Variants in NEK1 observed in about 807,000 individuals in gnomAD.
NEK1 encodes the protein serine/threonine-protein kinase Nek1.
In NEK1, 137 loss-of-function variants were observed where a neutral mutation model predicts 182.1. The observed-to-expected ratio is 0.75, with a 90% confidence interval of 0.65 to 0.87. The LOEUF (loss-of-function observed/expected upper bound fraction) is 0.87, where lower values mean the gene tolerates loss of function less well. NEK1 is among the 40% of genes least tolerant of loss of function. NEK1 has a pLI of 0.00. For missense variants in NEK1, 1,391 were observed against 1,494.4 expected (o/e 0.93, Z 1.14); for synonymous variants, 513 against 492.2 (o/e 1.04, Z -0.56).
At position 169,458,857 on chromosome 4, in the gene NEK1, A is replaced by G. The variant is rs142907600; in HGVS notation, c.2587+4386T>C. Among the ~76,000 whole-genome samples, 936 of 151,884 alleles carry G rather than the reference A, an allele frequency of 6.2e-3. 9 individuals are homozygous for G. The highest frequency in any genetic ancestry group is 0.022 in the African/African-American group (899 of 41,370). ...AAAAAAAAAAAAAGACAATGTCAAG[A>G]GAACATGAAGAAAAGCCACAGACTA... is the stretch of plus-strand genomic sequence containing the variant. On this transcript the variant is annotated intron_variant, in intron 27 of 35. Transcript: ENST00000507142.
Position 169,463,361 on chromosome 4 carries a change from A to AAT in NEK1, c.2468_2469insAT (p.Asn824LeufsTer18). On this transcript the variant is annotated frameshift_variant, in exon 27 of 36. Transcript: ENST00000507142. LOFTEE classifies it high-confidence loss of function. ...CCCAGGCTCTTCTTGGAGATCCATT[A>AAT]GGACCTAATTTAATAACTTCTCCCA... 6.2e-7 allele frequency: 1 copy of AAT among 1,608,932 alleles called. No homozygotes were observed. Among genetic ancestry groups the AAT allele is most frequent in the Non-Finnish European group, 8.5e-7 (1 of 1,176,820 alleles).
At chr4:169,439,041 A>T (rs544031759) in intron 27 of NEK1, among the ~76,000 whole-genome samples, 2 of 152,230 alleles carry the variant, frequency 1.3e-5, no homozygotes, top group Non-Finnish European at 2.9e-5. Context: ...GAAAGTACCT[A>T]CAATGCACTG....
chr4:169,556,602 A>C (rs1211796438), intron 16 of NEK1, among the ~76,000 whole-genome samples: 1 of 152,202 alleles, frequency 6.6e-6, no homozygotes, highest in Non-Finnish European at 1.5e-5. Context: ...AAAGAGGCAA[A>C]AAGTCATATC....
chr4:169,515,607 G>T (rs1462306252), intron 19 of NEK1, among the ~76,000 whole-genome samples: 9 of 123,942 alleles, frequency 7.3e-5, no homozygotes, highest in African/African-American at 2.8e-4. Context: ...ACCCACTAAT[G>T]TGTCATCTAG....
chr4:169,557,609 A>G (rs1762339299), intron 16 of NEK1, among the ~76,000 whole-genome samples: 2 of 152,298 alleles, frequency 1.3e-5, no homozygotes, highest in South Asian at 2.1e-4. Context: ...CTTCCAGGTG[A>G]TAACATCTTA....
At chr4:169,590,331 G>A (rs1251004458) in intron 6 of NEK1, among the ~76,000 whole-genome samples, 1 of 151,662 alleles carries the variant, frequency 6.6e-6, no homozygotes, top group Admixed American at 6.6e-5. Flanking sequence ...TAGACAGACA[G>A]ACAGACAGAC....
intron 23 of NEK1, among the ~76,000 whole-genome samples, chr4:169,497,181 T>C (rs112489477): frequency 6.6e-6 from 1 of 152,238 alleles, no homozygotes; most frequent in Non-Finnish European, 1.5e-5. Context: ...GATTTTCTAG[T>C]TTATTTGCGT....
intron 19 of NEK1, among the ~76,000 whole-genome samples, chr4:169,514,976 A>C (rs76563107): frequency 2.0e-5 from 3 of 152,200 alleles, no homozygotes; most frequent in East Asian, 1.9e-4. Flanking sequence ...TAGTGCTATA[A>C]ATTTCCCTCA....
At position 169,516,452 on chromosome 4, in the gene NEK1, T is replaced by C. The variant is rs1373602228; in HGVS notation, c.1666-7600A>G. Among the ~76,000 whole-genome samples the C allele has an allele frequency of 2.9e-5, 3 of 104,160 alleles. 1 individual carries two copies. Among genetic ancestry groups the C allele is most frequent in the African/African-American group, 1.0e-4 (2 of 19,658 alleles). The allele number at this position is 104,160 out of a possible 152,430, so 68.3% of individuals were successfully genotyped here. A position where few individuals can be genotyped will look rare whatever the true frequency, so the allele number is the denominator to read the frequency against. ...CGAAAATTTTCTCCCATGTTGTAGGTTGCCTGTTCACTCTGATGGTAGTTT... is the reference window on the plus strand; with the variant it reads ...CGAAAATTTTCTCCCATGTTGTAGGCTGCCTGTTCACTCTGATGGTAGTTT... On this transcript the variant is annotated intron_variant, in intron 19 of 35. Transcript: ENST00000507142.
At chr4:169,577,756 AAAT>A (rs372782497) in intron 11 of NEK1, among the ~76,000 whole-genome samples, 146 of 151,184 alleles carry the variant, frequency 9.7e-4, no homozygotes, top group Non-Finnish European at 1.6e-3. Context: ...TCCGTCTCAA[AAAT>A]AATAATAATA....
chr4:169,560,248 G>A (rs1762714328), intron 16 of NEK1, among the ~76,000 whole-genome samples: 1 of 152,116 alleles, frequency 6.6e-6, no homozygotes, highest in South Asian at 2.1e-4. Flanking sequence ...TGAGACTCAG[G>A]ATCTCTTCCA....
chr4:169,586,188 A>G (rs1399750422), intron 9 of NEK1, among the ~76,000 whole-genome samples: 1 of 152,072 alleles, frequency 6.6e-6, no homozygotes, highest in Non-Finnish European at 1.5e-5. Flanking sequence ...TTCATTTTGA[A>G]AGAGGGCAAT....
At chr4:169,490,301 A>C (rs539788247) in intron 23 of NEK1, among the ~76,000 whole-genome samples, 92 of 152,260 alleles carry the variant, frequency 6.0e-4, no homozygotes, top group African/African-American at 2.1e-3. Context: ...CACCCTGCTC[A>C]ACTGACCCCC....
chr4:169,467,921 T>G (rs1476653915), intron 26 of NEK1, among the ~76,000 whole-genome samples: 2 of 152,062 alleles, frequency 1.3e-5, no homozygotes, highest in Non-Finnish European at 2.9e-5. Flanking sequence ...TTTAAAGGAT[T>G]AAAAATGAAT....
intron 23 of NEK1, among the ~76,000 whole-genome samples, chr4:169,498,911 T>C (rs933119681): frequency 3.9e-5 from 6 of 152,214 alleles, no homozygotes; most frequent in African/African-American, 7.2e-5. Context: ...AGGAGTATCT[T>C]TGTGGCATTC....
intron 24 of NEK1, 76 bp from the exon 25 acceptor site, chr4:169,477,573 G>A (rs910973093): frequency 1.4e-5 from 15 of 1,095,282 alleles, no homozygotes; most frequent in African/African-American, 3.2e-5. Flanking sequence ...TTACATCCTC[G>A]TTACTTTTTG....
chr4:169,610,031 T>A (rs1772051821), intron 2 of NEK1, among the ~76,000 whole-genome samples: 1 of 151,752 alleles, frequency 6.6e-6, no homozygotes, highest in South Asian at 2.1e-4. Flanking sequence ...TTTTTTTTTT[T>A]TTCTGAGACA....
Position 169,492,286 on chromosome 4 carries a change from G to A in NEK1, c.2008-12752C>T, listed in dbSNP as rs895679743. Among the ~76,000 whole-genome samples the A allele has an allele frequency of 6.6e-5, 10 of 152,266 alleles. No homozygotes were observed. The East Asian group carries it at 1.9e-3, about 29-fold the overall frequency. On this transcript the variant is annotated intron_variant, in intron 23 of 35. Transcript: ENST00000507142. ...CCTCAGAAGGAAGATCAAAATTACT[G>A]GTAAATCATCAAGTTTTGACAAGGA...
At chr4:169,526,381 C>T (rs1265762316) in intron 19 of NEK1, among the ~76,000 whole-genome samples, 1 of 152,186 alleles carries the variant, frequency 6.6e-6, no homozygotes, top group East Asian at 1.9e-4. Flanking sequence ...CCCAGCTACT[C>T]AGGAGGCTGA....
Sources: allele counts gnomAD v4.1 joint callset (sites outside exome capture counted in the v4.1 genomes callset), GRCh38; gene constraint gnomAD v4.1.1; transcripts MANE v1.5; gene names NCBI Gene and HGNC (gene_info 2026-07-23, HGNC 2026-07-21).